Variants in SNX31 observed in about 807,000 individuals in gnomAD.
SNX31 encodes the protein sorting nexin-31.
A neutral mutation model predicts 65.4 loss-of-function variants in SNX31; 58 were observed. That is an observed-to-expected ratio of 0.89 (90% confidence interval 0.72 to 1.10). The LOEUF (loss-of-function observed/expected upper bound fraction) is 1.10. Among genes scored for constraint, SNX31 ranks in the 50% least tolerant of loss-of-function variants. The probability of loss-of-function intolerance (pLI) is 0.00; values close to 1 mark genes in which losing one functional copy is unlikely to be tolerated. For missense variants in SNX31, 523 were observed against 529.7 expected (o/e 0.99, Z 0.12); for synonymous variants, 181 against 190.1 (o/e 0.95, Z 0.39).
At chr8:100,649,385 AG>A in intron 1 of SNX31, 37 bp from the exon 2 acceptor site, 1 of 1,612,010 alleles carries the variant, frequency 6.2e-7, no homozygotes. Context: ...TGGTGAGCCG[AG>A]GGATAAGTGA....
At chr8:100,602,862 CTT>C (rs1179246172) in intron 8 of SNX31, among the ~76,000 whole-genome samples, 1 of 152,146 alleles carries the variant, frequency 6.6e-6, no homozygotes, top group Admixed American at 6.5e-5. Context: ...AATTTTTTCA[CTT>C]AATATTTTCA....
intron 9 of SNX31, among the ~76,000 whole-genome samples, 179 bp from the exon 10 acceptor site, chr8:100,597,021 C>G (rs760477166): frequency 2.0e-5 from 3 of 152,162 alleles, no homozygotes; most frequent in Admixed American, 6.5e-5. Flanking sequence ...CTGGTGCTCA[C>G]CAGAAGCCCG....
At chr8:100,643,142 G>A (rs1819381516) in intron 2 of SNX31, among the ~76,000 whole-genome samples, 1 of 152,098 alleles carries the variant, frequency 6.6e-6, no homozygotes, top group African/African-American at 2.4e-5. Flanking sequence ...GCAGTGAGCT[G>A]AGATCGCACC....
chr8:100,621,368 T>C (rs545712725), intron 4 of SNX31, among the ~76,000 whole-genome samples: 1 of 152,328 alleles, frequency 6.6e-6, no homozygotes, highest in South Asian at 2.1e-4. Context: ...AGCTCTAAGC[T>C]ACCATGTGTT....
Position 100,635,922 on chromosome 8 carries a change from G to T in SNX31, c.231C>A (p.Asp77Glu), listed in dbSNP as rs769390468. 8 of 1,613,632 alleles carry T rather than the reference G, an allele frequency of 5.0e-6. No homozygotes were observed. Among genetic ancestry groups the T allele is most frequent in the Non-Finnish European group, 6.8e-6 (8 of 1,179,714 alleles). ...MTTAMADERR[D>E]QLEQYLQNVT... ...CATTTTGCAAATATTGTTCCAGTTG[G>T]TCCCTCCTCTCATCAGCCATAGCTG... Residue 77 changes from aspartate (D) to glutamate (E), a missense_variant, in exon 3 of 14, where the codon GAC becomes GAA. Physicochemically the swap from Asp to Glu is conservative, Grantham distance 45. Coordinates refer to ENST00000311812, the MANE Select transcript of SNX31 (RefSeq NM_152628.4).
intron 10 of SNX31, among the ~76,000 whole-genome samples, chr8:100,592,402 G>C (rs1317916172): frequency 6.6e-6 from 1 of 152,112 alleles, no homozygotes; most frequent in Non-Finnish European, 1.5e-5. Context: ...AAAAAATACT[G>C]AGATAAATGA....
intron 4 of SNX31, 50 bp from the exon 5 acceptor site, chr8:100,617,780 T>TG: frequency 7.2e-7 from 1 of 1,379,712 alleles, no homozygotes; most frequent in Non-Finnish European, 1.0e-6. Context: ...TTTTTTTTTT[T>TG]TGGAGGCGGA....
Position 100,610,018 on chromosome 8 carries a change from C to T in SNX31, c.612-1455G>A, listed in dbSNP as rs557459756. On this transcript the variant is annotated intron_variant, in intron 7 of 13. Coordinates refer to ENST00000311812, the MANE Select transcript of SNX31 (RefSeq NM_152628.4). This position sits in a 1 kb window ranked among gnomAD's most constrained non-coding sequence, Gnocchi z 4.0. Reference sequence around the variant, plus strand: ...TGGAGCTAGCCTTCCAGCTCCCATGCGGCAAGACTTCCCTCTGGAAAGAGG... The same window carrying T: ...TGGAGCTAGCCTTCCAGCTCCCATGTGGCAAGACTTCCCTCTGGAAAGAGG... 1.6e-4 allele frequency among the ~76,000 whole-genome samples: 24 copies of T among 152,308 alleles called. No homozygotes were observed. Among genetic ancestry groups the T allele is most frequent in the Middle Eastern group, 6.8e-3 (2 of 294 alleles).
At chr8:100,633,437 C>T (rs1205938800) in intron 3 of SNX31, among the ~76,000 whole-genome samples, 2 of 151,650 alleles carry the variant, frequency 1.3e-5, no homozygotes, top group South Asian at 4.2e-4. Flanking sequence ...GAGTTTCACT[C>T]TCACTGCCCA....
chr8:100,617,600 G>C lies in SNX31; in HGVS notation c.432+20C>G. The C allele has an allele frequency of 5.3e-6, 8 of 1,503,016 alleles. No individual in the cohort carries two copies. Among genetic ancestry groups the C allele is most frequent in the Non-Finnish European group, 7.4e-6 (8 of 1,083,282 alleles). 93.1% of individuals were successfully genotyped at this position (1,503,016 alleles called of 1,614,324 possible). A position where few individuals can be genotyped will look rare whatever the true frequency, so the allele number is the denominator to read the frequency against. On this transcript the variant is annotated intron_variant, in intron 5 of 13. Coordinates refer to ENST00000311812, the MANE Select transcript of SNX31 (RefSeq NM_152628.4). ...CATCCCTAGATTCAGTTCTGGAGCT[G>C]GAGTTTAAACAAAGCTTACCTCTAG...
intron 4 of SNX31, among the ~76,000 whole-genome samples, chr8:100,619,602 C>G (rs1229534379): frequency 6.6e-6 from 1 of 152,194 alleles, no homozygotes; most frequent in Admixed American, 6.5e-5. Flanking sequence ...TCCAGAGAGG[C>G]CAGCGGCTGC....
chr8:100,641,656 A>ATG (rs1819244436), intron 2 of SNX31, among the ~76,000 whole-genome samples: 1 of 39,044 alleles, frequency 2.6e-5, no homozygotes, highest in Admixed American at 3.4e-4. Context: ...ATATATATAT[A>ATG]TATGTATGGT....
In SNX31 at chr8:100,584,117, T is replaced by C; in HGVS notation, c.1164A>G (p.Thr388=). The C allele has an allele frequency of 6.2e-7, 1 of 1,605,164 alleles. No individual in the cohort carries two copies. Residue 388 remains threonine, a synonymous_variant, in exon 12 of 14, where the codon ACA becomes ACG. Coordinates refer to ENST00000311812, the MANE Select transcript of SNX31 (RefSeq NM_152628.4). ...CACAGATAAGAGCACTCACCATTTC[T>C]GTATTCTCAGCAGCTAGCTTTACCA... ...EKMVKLAAEN[T]EMQIEVPEQS... is the part of the protein sequence containing the mutation.
chr8:100,597,044 G>A (rs1815163991), intron 9 of SNX31, among the ~76,000 whole-genome samples: 1 of 152,156 alleles, frequency 6.6e-6, no homozygotes, highest in South Asian at 2.1e-4. Context: ...GGAAATTCAT[G>A]GAGTGTCCTT....
chr8:100,646,020 A>G (rs75559307), intron 2 of SNX31, among the ~76,000 whole-genome samples: 9,958 of 152,146 alleles, frequency 0.065, 447 homozygotes, highest in Non-Finnish European at 0.095. Context: ...GACAGAGAGT[A>G]GATGTTGGAG....
chr8:100,593,908 T>G (rs1351342151), intron 10 of SNX31, among the ~76,000 whole-genome samples: 1 of 152,304 alleles, frequency 6.6e-6, no homozygotes, highest in South Asian at 2.1e-4. Context: ...TTCTTGGACT[T>G]GACGGCAAAA....
At chr8:100,645,731 G>C (rs978148067) in intron 2 of SNX31, among the ~76,000 whole-genome samples, 8 of 150,412 alleles carry the variant, frequency 5.3e-5, no homozygotes, top group African/African-American at 2.0e-4. Context: ...CCCACCTCAG[G>C]CTCCTGAATA....
At chr8:100,592,274 A>G (rs1333955048) in intron 10 of SNX31, among the ~76,000 whole-genome samples, 1 of 152,248 alleles carries the variant, frequency 6.6e-6, no homozygotes, top group Non-Finnish European at 1.5e-5. Flanking sequence ...GAAAAATACA[A>G]CACTAGAAGT....
intron 2 of SNX31, among the ~76,000 whole-genome samples, chr8:100,641,581 T>A (rs1328919430): frequency 0.014 from 393 of 28,498 alleles, 1 homozygote; most frequent in Non-Finnish European, 0.017. Context: ...TATATATATA[T>A]ATATATATAT....
Sources: gnomAD v4.1 joint callset for allele counts (sites outside exome capture counted in the v4.1 genomes callset) on GRCh38, gnomAD v4.1.1 for gene constraint, Gnocchi (gnomAD v3.1) non-coding constraint, MANE v1.5 for transcripts, NCBI Gene and HGNC (gene_info 2026-07-23, HGNC 2026-07-21) for gene names.